The following CORO1C variants were observed in gnomAD, a reference collection of about 807,000 sequenced individuals.
CORO1C encodes coronin 1C, also known as coronin-1C.
CORO1C carries 14 observed loss-of-function variants against 51.2 expected under a neutral mutation model. The observed-to-expected ratio is 0.27, with a 90% CI of 0.18 to 0.43. CORO1C has a LOEUF of 0.43. Ranked by LOEUF, CORO1C falls within the 20% of genes least tolerant of loss-of-function variation. The pLI, the probability that CORO1C is intolerant of heterozygous loss-of-function variation, is 1.00. For missense variants in CORO1C, 417 were observed against 607.8 expected (o/e 0.69, Z 3.30); for synonymous variants, 181 against 210.5 (o/e 0.86, Z 1.21).
intron 2 of CORO1C, among the ~76,000 whole-genome samples, chr12:108,679,702 A>C (rs751464900): frequency 6.6e-6 from 1 of 152,206 alleles, no homozygotes; most frequent in Non-Finnish European, 1.5e-5. Context: ...TGACTGTGCA[A>C]ATCTCCAGGA....
intron 2 of CORO1C, among the ~76,000 whole-genome samples, chr12:108,679,931 A>G (rs1216590477): frequency 2.6e-5 from 4 of 152,268 alleles, no homozygotes; most frequent in African/African-American, 9.6e-5. Context: ...ATAAATCACA[A>G]TTCAGTATTA....
At chr12:108,666,878 G>A (rs1343426854) in intron 3 of CORO1C, among the ~76,000 whole-genome samples, 1 of 152,160 alleles carries the variant, frequency 6.6e-6, no homozygotes, top group Admixed American at 6.5e-5. Flanking sequence ...TGCAACTAGG[G>A]AGAAGAGCAT....
In CORO1C at chr12:108,731,445, G is replaced by A. The variant is rs2136897510; in HGVS notation, c.-22C>T. 1 of 153,114 alleles carries A rather than the reference G, an allele frequency of 6.5e-6. No homozygotes were observed. The highest frequency in any genetic ancestry group is 2.4e-5 in the African/African-American group (1 of 41,558). 9.5% of individuals were successfully genotyped at this position (153,114 alleles called of 1,614,324 possible). On this transcript the variant is annotated 5_prime_UTR_variant, in exon 1 of 11. Transcript: ENST00000261401. The surrounding 1 kb of genome is among the most constrained non-coding windows in gnomAD (Gnocchi z 5.2). ...GCCGCTCACCCGGGCCGAGGTGCCT[G>A]AGGCGCCGCCGCCGAAGTCCCCGCT...
At chr12:108,656,024 C>T (rs1421586719) in intron 6 of CORO1C, among the ~76,000 whole-genome samples, 1 of 151,534 alleles carries the variant, frequency 6.6e-6, no homozygotes, top group African/African-American at 2.4e-5. Context: ...CGCCTCTGCC[C>T]GGCCGGGACC....
intron 6 of CORO1C, among the ~76,000 whole-genome samples, chr12:108,656,769 A>G (rs2033037717): frequency 1.3e-5 from 2 of 152,228 alleles, no homozygotes; most frequent in South Asian, 4.1e-4. Context: ...GTGCTCTCTG[A>G]AACATGTGCT....
intron 1 of CORO1C, among the ~76,000 whole-genome samples, chr12:108,706,736 A>G (rs1417079047): frequency 6.6e-6 from 1 of 152,072 alleles, no homozygotes; most frequent in Non-Finnish European, 1.5e-5. Flanking sequence ...CCGGGACTAC[A>G]CTGCACCCAG....
At chr12:108,686,012 T>C (rs538447191) in intron 2 of CORO1C, among the ~76,000 whole-genome samples, 95 of 152,304 alleles carry the variant, frequency 6.2e-4, no homozygotes, top group African/African-American at 2.2e-3. Flanking sequence ...CAGCATACGT[T>C]ATTAAAAATA....
At chr12:108,652,205 G>A (rs2032704982) in intron 8 of CORO1C, 67 bp downstream of exon 8, 2 of 1,470,844 alleles carry the variant, frequency 1.4e-6, no homozygotes, top group Admixed American at 3.5e-5. Flanking sequence ...GTATATGCTA[G>A]TCCAAGTACA....
chr12:108,710,083 A>G (rs960988048), intron 1 of CORO1C, among the ~76,000 whole-genome samples: 12 of 152,330 alleles, frequency 7.9e-5, no homozygotes, highest in African/African-American at 2.6e-4. Flanking sequence ...TCTTTTTAAG[A>G]TGTAATTTAT....
intron 3 of CORO1C, among the ~76,000 whole-genome samples, chr12:108,664,553 C>T (rs1396878688): frequency 6.6e-6 from 1 of 152,198 alleles, no homozygotes; most frequent in Non-Finnish European, 1.5e-5. Flanking sequence ...AAGCTTAGAA[C>T]ATCACCTAAT....
intron 2 of CORO1C, among the ~76,000 whole-genome samples, chr12:108,682,661 TAAC>T (rs1450213724): frequency 6.6e-6 from 1 of 152,172 alleles, no homozygotes; most frequent in African/African-American, 2.4e-5. Context: ...TTATAAAAAT[TAAC>T]AACTTTGATC....
chr12:108,713,773 C>A (rs185325556), intron 1 of CORO1C, among the ~76,000 whole-genome samples: 1 of 152,338 alleles, frequency 6.6e-6, no homozygotes, highest in East Asian at 1.9e-4. Context: ...ACTTTTCCAA[C>A]AATCAATCCC....
intron 2 of CORO1C, among the ~76,000 whole-genome samples, chr12:108,694,951 C>T (rs1328349911): frequency 6.6e-6 from 1 of 152,178 alleles, no homozygotes; most frequent in Non-Finnish European, 1.5e-5. Flanking sequence ...TGCTGATTAA[C>T]AAGTTATCCT....
Position 108,701,131 on chromosome 12 carries a change from A to G in CORO1C, c.188T>C (p.Leu63Pro), listed in dbSNP as rs2034854530. Reference protein sequence around the residue: ...SGGGAFLVLPLHKTGRIDKSY... With the variant: ...SGGGAFLVLPPHKTGRIDKSY... Reference sequence around the variant, plus strand: ...GAAGATCAAATTACCTACCTTGTGCAGAGGGAGGACAAGGAACGCTCCTCC... The same window carrying G: ...GAAGATCAAATTACCTACCTTGTGCGGAGGGAGGACAAGGAACGCTCCTCC... Residue 63 changes from leucine to proline, a missense_variant, in exon 2 of 11, where the codon CTG becomes CCG. Leu to Pro is a moderately conservative substitution (Grantham distance 98). Coordinates refer to ENST00000261401, the MANE Select transcript of CORO1C (RefSeq NM_014325.4). The G allele has an allele frequency of 1.9e-6, 3 of 1,614,076 alleles. No individual in the cohort carries two copies. Among genetic ancestry groups the G allele is most frequent in the Non-Finnish European group, 2.5e-6 (3 of 1,179,912 alleles).
At chr12:108,656,374 G>A (rs747162545) in intron 6 of CORO1C, among the ~76,000 whole-genome samples, 12 of 147,958 alleles carry the variant, frequency 8.1e-5, no homozygotes, top group Non-Finnish European at 7.6e-5. Context: ...CCCCGTCCGG[G>A]AGGGAGGTGG....
intron 1 of CORO1C, among the ~76,000 whole-genome samples, chr12:108,711,922 T>G (rs1329366501): frequency 6.6e-6 from 1 of 152,190 alleles, no homozygotes; most frequent in East Asian, 1.9e-4. Context: ...GATGTACTTC[T>G]ATGGTTCATA....
Position 108,647,576 on chromosome 12 carries a change from C to T in CORO1C, c.1306-54G>A, listed in dbSNP as rs1281832751. Reference sequence around the variant, plus strand: ...TTAAAATGCAGTAAACAAAGTTCAACACTGTTCAAAACTTGTAAGATATAA... The same window carrying T: ...TTAAAATGCAGTAAACAAAGTTCAATACTGTTCAAAACTTGTAAGATATAA... On this transcript the variant is annotated intron_variant, in intron 10 of 10. Coordinates refer to ENST00000261401, the MANE Select transcript of CORO1C (RefSeq NM_014325.4). 1.2e-5 allele frequency: 17 copies of T among 1,363,648 alleles called. No homozygotes were observed. The African/African-American group carries it at 1.8e-4, about 14-fold the overall frequency. The allele number at this position is 1,363,648 out of a possible 1,614,324, so 84.5% of individuals were successfully genotyped here. A position where few individuals can be genotyped will look rare whatever the true frequency, so the allele number is the denominator to read the frequency against.
chr12:108,730,705 A>G, intron 1 of CORO1C: 2 of 115,286 alleles, frequency 1.7e-5, no homozygotes, highest in Non-Finnish European at 3.6e-5. Flanking sequence ...CCCAACCCCC[A>G]GCCAGTCCCA....
intron 1 of CORO1C, among the ~76,000 whole-genome samples, chr12:108,722,648 T>C (rs538612039): frequency 1.7e-4 from 26 of 152,298 alleles, no homozygotes; most frequent in Middle Eastern, 6.8e-3. Flanking sequence ...AAATTACTAC[T>C]AGTAGATCTG....
Sources: gnomAD v4.1 joint callset for allele counts (sites outside exome capture counted in the v4.1 genomes callset) on GRCh38, gnomAD v4.1.1 for gene constraint, Gnocchi (gnomAD v3.1) non-coding constraint, MANE v1.5 for transcripts, NCBI Gene and HGNC (gene_info 2026-07-23, HGNC 2026-07-21) for gene names.